NRG3: variants seen among roughly 807,000 people sequenced by gnomAD.
NRG3 encodes pro-neuregulin-3, membrane-bound isoform.
NRG3 carries 31 observed loss-of-function variants against 66.9 expected under a neutral mutation model. The ratio of observed to expected loss-of-function variants is 0.46; its 90% CI spans 0.35 to 0.63. NRG3 has a LOEUF of 0.63. Among genes scored for constraint, NRG3 ranks in the 20% least tolerant of loss-of-function variants. The pLI, the probability that NRG3 is intolerant of heterozygous loss-of-function variation, is 0.00. For missense variants in NRG3, 910 were observed against 878.9 expected (o/e 1.04, Z -0.45); for synonymous variants, 393 against 359.4 (o/e 1.09, Z -1.06).
In NRG3 at chr10:82,170,684, A is replaced by G. The variant is rs1302740828; in HGVS notation, c.824-188055A>G. 9.1e-4 allele frequency among the ~76,000 whole-genome samples: 128 copies of G among 140,156 alleles called. 2 individuals carry two copies. The highest frequency in any genetic ancestry group is 3.1e-3 in the African/African-American group (120 of 38,712). The allele number at this position is 140,156 out of a possible 152,430, so 91.9% of individuals were successfully genotyped here. On this transcript the variant is annotated intron_variant, in intron 1 of 8. Transcript: ENST00000372141. ...TATATATATATATATATATATATAT[A>G]TATATATATATATGTAAATATATAT...
At chr10:82,303,301 A>G (rs1203076555) in intron 1 of NRG3, among the ~76,000 whole-genome samples, 1 of 151,594 alleles carries the variant, frequency 6.6e-6, no homozygotes, top group African/African-American at 2.4e-5. Context: ...CAGATAGCCT[A>G]TGCTTATTCA....
chr10:82,728,734 A>T (rs1252830297), intron 2 of NRG3, among the ~76,000 whole-genome samples: 1 of 152,206 alleles, frequency 6.6e-6, no homozygotes, highest in African/African-American at 2.4e-5. Flanking sequence ...GTCAAATTCT[A>T]TGATTGGCTA....
At chr10:82,374,724 G>A (rs536595186) in intron 2 of NRG3, among the ~76,000 whole-genome samples, 2 of 152,194 alleles carry the variant, frequency 1.3e-5, no homozygotes, top group East Asian at 3.9e-4. Flanking sequence ...GAGGAACTAA[G>A]CCTTGCTGCT....
chr10:82,344,916 T>G (rs1387676091), intron 1 of NRG3, among the ~76,000 whole-genome samples: 2 of 116,000 alleles, frequency 1.7e-5, no homozygotes, highest in Non-Finnish European at 3.1e-5. Flanking sequence ...GGTTGTTTGT[T>G]TTTTTCTTGT....
At chr10:82,013,359 T>C (rs1290570723) in intron 1 of NRG3, among the ~76,000 whole-genome samples, 5 of 152,128 alleles carry the variant, frequency 3.3e-5, no homozygotes, top group Non-Finnish European at 7.3e-5. Context: ...TGGGGATTAT[T>C]ACAATTCAAA....
chr10:81,875,704 C>T lies in NRG3; in HGVS notation c.364C>T (p.Pro122Ser), dbSNP rs1259318813. Reference sequence around the variant, plus strand: ...CTTCCTCTCCAAGCCCAGCTCTTTCCCCAAGGCCATGGAGACCACCACCAC... The same window carrying T: ...CTTCCTCTCCAAGCCCAGCTCTTTCTCCAAGGCCATGGAGACCACCACCAC... ...PFFLSKPSSF[P>S]KAMETTTTTT... The change falls in exon 1 of 9, where the codon CCC becomes TCC. Residue 122 changes from proline to serine, a missense_variant. Coordinates refer to ENST00000372141, the MANE Select transcript of NRG3 (RefSeq NM_001010848.4). This position sits in a 1 kb window ranked among gnomAD's most constrained non-coding sequence, Gnocchi z 5.3. The T allele has an allele frequency of 1.9e-6, 3 of 1,613,790 alleles. No individual in the cohort carries two copies. The highest frequency in any genetic ancestry group is 2.5e-6 in the Non-Finnish European group (3 of 1,179,964).
chr10:82,839,228 T>TA (rs939064669), intron 3 of NRG3, among the ~76,000 whole-genome samples: 23 of 152,278 alleles, frequency 1.5e-4, no homozygotes, highest in African/African-American at 5.5e-4. Context: ...GATATGCATC[T>TA]AAAAAATTAC....
chr10:82,034,662 C>G (rs1341633025), intron 1 of NRG3, among the ~76,000 whole-genome samples: 5 of 151,894 alleles, frequency 3.3e-5, no homozygotes, highest in African/African-American at 1.2e-4. Flanking sequence ...CTGGAGTACA[C>G]CTTGTTTTAT....
chr10:82,060,429 A>G (rs1232967581), intron 1 of NRG3, among the ~76,000 whole-genome samples: 1 of 152,154 alleles, frequency 6.6e-6, no homozygotes, highest in Admixed American at 6.6e-5. Context: ...TCCAGCCTGA[A>G]CTGCAATGAT....
At chr10:82,888,975 G>A (rs1265359244) in intron 4 of NRG3, among the ~76,000 whole-genome samples, 2 of 152,128 alleles carry the variant, frequency 1.3e-5, no homozygotes, top group African/African-American at 4.8e-5. Context: ...TGAGCAAGGG[G>A]AGGAGTTAGA....
At chr10:81,917,569 C>A in intron 1 of NRG3, among the ~76,000 whole-genome samples, 1 of 152,144 alleles carries the variant, frequency 6.6e-6, no homozygotes, top group East Asian at 1.9e-4. Flanking sequence ...TTGCAAAAAA[C>A]CCCAGGGGTA....
At chr10:82,938,917 A>G (rs533800403) in intron 4 of NRG3, among the ~76,000 whole-genome samples, 2 of 152,300 alleles carry the variant, frequency 1.3e-5, no homozygotes, top group African/African-American at 4.8e-5. Flanking sequence ...GGAGTGGGGG[A>G]CAGCTATTAT....
chr10:82,430,739 A>G (rs1590101916), intron 2 of NRG3, among the ~76,000 whole-genome samples: 1 of 152,260 alleles, frequency 6.6e-6, no homozygotes, highest in African/African-American at 2.4e-5. Context: ...ATGAGTAACT[A>G]CTAAAGTATT....
At chr10:81,927,741 C>A (rs1470106731) in intron 1 of NRG3, among the ~76,000 whole-genome samples, 2 of 152,148 alleles carry the variant, frequency 1.3e-5, no homozygotes, top group Admixed American at 6.5e-5. Context: ...AGCCCCTCAA[C>A]TGACTGATGG....
At chr10:82,842,083 T>C (rs1205094480) in intron 3 of NRG3, among the ~76,000 whole-genome samples, 1 of 152,112 alleles carries the variant, frequency 6.6e-6, no homozygotes, top group Non-Finnish European at 1.5e-5. Context: ...AAACCCCATT[T>C]CTACTAAAAA....
At chr10:82,934,057 GTCCTGAGAGGGGAAAT>G (rs1847839633) in intron 4 of NRG3, among the ~76,000 whole-genome samples, 1 of 152,198 alleles carries the variant, frequency 6.6e-6, no homozygotes, top group Non-Finnish European at 1.5e-5. Flanking sequence ...GAACTGGTTA[GTCCTGAGAGGGGAAAT>G]TCCTTCAGGG....
chr10:82,869,567 ATTTAT>A (rs55739136), intron 4 of NRG3, among the ~76,000 whole-genome samples: 28,061 of 112,638 alleles, frequency 0.25, 3,565 homozygotes, highest in Middle Eastern at 0.37. Flanking sequence ...GGTCTTTTTT[ATTTAT>A]TTTATTTTAT....
At chr10:82,477,215 A>G (rs989644498) in intron 2 of NRG3, among the ~76,000 whole-genome samples, 1 of 152,224 alleles carries the variant, frequency 6.6e-6, no homozygotes, top group Non-Finnish European at 1.5e-5. Context: ...AAGAACCTCA[A>G]CTGTGACCTG....
intron 2 of NRG3, among the ~76,000 whole-genome samples, chr10:82,627,914 G>A (rs1251480233): frequency 1.3e-5 from 2 of 152,186 alleles, no homozygotes; most frequent in Admixed American, 6.5e-5. Context: ...GTTCTAGGCA[G>A]TACAATCTCA....
Sources: gnomAD v4.1 joint callset for allele counts (sites outside exome capture counted in the v4.1 genomes callset) on GRCh38, gnomAD v4.1.1 for gene constraint, Gnocchi (gnomAD v3.1) non-coding constraint, MANE v1.5 for transcripts, NCBI Gene and HGNC (gene_info 2026-07-23, HGNC 2026-07-21) for gene names.